Variants in MDGA2 observed in about 807,000 individuals in gnomAD.
The protein encoded by MDGA2 is MAM domain containing glycosylphosphatidylinositol anchor 2, also known as MAM domain-containing glycosylphosphatidylinositol anchor protein 2.
Under a neutral mutation model 117.8 loss-of-function variants are expected in MDGA2, and 40 were observed. The ratio of observed to expected loss-of-function variants is 0.34; its 90% confidence interval spans 0.26 to 0.44. The LOEUF (loss-of-function observed/expected upper bound fraction) is 0.44, where lower values mean the gene tolerates loss of function less well. Ranked by LOEUF, MDGA2 falls within the 20% of genes least tolerant of loss-of-function variation. The pLI is 1.00. For missense variants in MDGA2, 1,123 were observed against 1,250.6 expected (o/e 0.90, Z 1.54); for synonymous variants, 452 against 439.0 (o/e 1.03, Z -0.37).
chr14:47,559,490 T>C (rs572319598), intron 1 of MDGA2, among the ~76,000 whole-genome samples: 6 of 152,226 alleles, frequency 3.9e-5, no homozygotes, highest in South Asian at 2.1e-4. Context: ...CATTCTACTA[T>C]TCATGGGCAT....
intron 1 of MDGA2, among the ~76,000 whole-genome samples, chr14:47,472,060 G>T (rs1893739404): frequency 1.3e-5 from 2 of 152,070 alleles, no homozygotes; most frequent in South Asian, 2.1e-4. Context: ...CCTTTTAATT[G>T]TAAGAGTAAC....
intron 3 of MDGA2, among the ~76,000 whole-genome samples, chr14:47,171,503 C>T (rs2139321315): frequency 6.6e-6 from 1 of 152,162 alleles, no homozygotes; most frequent in East Asian, 1.9e-4. Flanking sequence ...GGATTCTTCT[C>T]AATTATTCAT....
chr14:47,320,298 A>G (rs66502416), intron 1 of MDGA2, among the ~76,000 whole-genome samples: 39,609 of 151,956 alleles, frequency 0.26, 5,498 homozygotes, highest in African/African-American at 0.32. Context: ...AGGAGGATCG[A>G]TTGAGCCCAG....
At chr14:47,282,166 G>T (rs1888514460) in intron 2 of MDGA2, among the ~76,000 whole-genome samples, 1 of 151,858 alleles carries the variant, frequency 6.6e-6, no homozygotes, top group African/African-American at 2.4e-5. Context: ...TCTGAAAAAC[G>T]AATATATGCA....
chr14:46,918,579 G>T (rs546734867), intron 10 of MDGA2, among the ~76,000 whole-genome samples: 4 of 152,178 alleles, frequency 2.6e-5, no homozygotes, highest in African/African-American at 9.6e-5. Context: ...CTTTTTCAAT[G>T]AGGGATAACC....
intron 1 of MDGA2, among the ~76,000 whole-genome samples, chr14:47,584,093 A>C: frequency 6.6e-6 from 1 of 151,864 alleles, no homozygotes; most frequent in East Asian, 1.9e-4. Context: ...TGTTTATTTA[A>C]ATAATAAAAT....
rs565625149 is a variant in MDGA2 at position 47,106,412 on chromosome 14, A to G, written c.926-9289T>C. ...AACTTCCAAAGGCCTGAACCGCAGC[A>G]GCCAGGCGTTCCTCCAGAACCTCCT... On this transcript the variant is annotated intron_variant, in intron 5 of 16. Coordinates refer to ENST00000399232, the MANE Select transcript of MDGA2 (RefSeq NM_001113498.3). Among the ~76,000 whole-genome samples, 678 of 152,104 alleles carry G rather than the reference A, an allele frequency of 4.5e-3. 4 individuals are homozygous for G. Among genetic ancestry groups the G allele is most frequent in the African/African-American group, 0.016 (654 of 41,502 alleles).
At chr14:47,153,359 G>A (rs1883235845) in intron 3 of MDGA2, among the ~76,000 whole-genome samples, 2 of 152,156 alleles carry the variant, frequency 1.3e-5, no homozygotes, top group African/African-American at 4.8e-5. Flanking sequence ...GGCAAAAGGT[G>A]GGAGTTAAAA....
At chr14:47,257,195 G>C (rs1214227658) in intron 2 of MDGA2, among the ~76,000 whole-genome samples, 1 of 152,030 alleles carries the variant, frequency 6.6e-6, no homozygotes, top group African/African-American at 2.4e-5. Flanking sequence ...TAGACACCAT[G>C]GCTCTGTGTT....
chr14:47,086,461 GC>G (rs1390381178), intron 6 of MDGA2, among the ~76,000 whole-genome samples: 3 of 152,156 alleles, frequency 2.0e-5, no homozygotes, highest in African/African-American at 7.2e-5. Flanking sequence ...TTGTCAGGTT[GC>G]TAATTCAATT....
chr14:47,139,708 T>C, intron 4 of MDGA2, among the ~76,000 whole-genome samples: 1 of 150,532 alleles, frequency 6.6e-6, no homozygotes, highest in East Asian at 1.9e-4. Context: ...GAAACAGTAG[T>C]TCAAGAAATC....
chr14:46,986,729 A>C (rs1886873249), intron 8 of MDGA2, among the ~76,000 whole-genome samples: 1 of 152,142 alleles, frequency 6.6e-6, no homozygotes, highest in Admixed American at 6.6e-5. Context: ...TTTGTCCCAA[A>C]GCATCAAGAG....
chr14:47,101,727 T>C (rs1248385856), intron 5 of MDGA2, among the ~76,000 whole-genome samples: 5 of 152,304 alleles, frequency 3.3e-5, no homozygotes, highest in African/African-American at 9.6e-5. Flanking sequence ...CTCCAGGCCT[T>C]GGTACAACAG....
intron 1 of MDGA2, among the ~76,000 whole-genome samples, chr14:47,351,378 G>A (rs770408754): frequency 1.3e-5 from 2 of 152,044 alleles, no homozygotes; most frequent in Non-Finnish European, 2.9e-5. Context: ...CACCGCACCT[G>A]GACTGATCAC....
intron 8 of MDGA2, among the ~76,000 whole-genome samples, chr14:47,002,208 A>G (rs1424189199): frequency 6.6e-6 from 1 of 152,188 alleles, no homozygotes; most frequent in Non-Finnish European, 1.5e-5. Flanking sequence ...CAAAACTTAC[A>G]AAAACAAGGA....
At chr14:47,165,976 A>G (rs978676927) in intron 3 of MDGA2, among the ~76,000 whole-genome samples, 2 of 151,210 alleles carry the variant, frequency 1.3e-5, no homozygotes, top group Non-Finnish European at 2.9e-5. Context: ...GCTCATATAC[A>G]CCTATACACC....
intron 1 of MDGA2, among the ~76,000 whole-genome samples, chr14:47,390,451 C>T (rs1891868900): frequency 1.3e-5 from 2 of 152,088 alleles, no homozygotes; most frequent in African/African-American, 4.8e-5. Context: ...AAGATACTAT[C>T]GTTTTTCCTT....
chr14:47,622,481 A>G (rs1897067273), intron 1 of MDGA2, among the ~76,000 whole-genome samples: 1 of 152,244 alleles, frequency 6.6e-6, no homozygotes, highest in Non-Finnish European at 1.5e-5. Context: ...TGTAACCTCA[A>G]GAATAAATGG....
intron 9 of MDGA2, among the ~76,000 whole-genome samples, chr14:46,922,982 G>A (rs977697842): frequency 2.6e-5 from 4 of 152,182 alleles, no homozygotes; most frequent in African/African-American, 9.6e-5. Flanking sequence ...AGGATAACTG[G>A]CTGCATGCCA....
Sources: allele counts gnomAD v4.1 joint callset (sites outside exome capture counted in the v4.1 genomes callset), GRCh38; gene constraint gnomAD v4.1.1; transcripts MANE v1.5; gene names NCBI Gene and HGNC (gene_info 2026-07-23, HGNC 2026-07-21).